NLRC5: variants seen among roughly 807,000 people sequenced by gnomAD.
NLRC5 encodes the protein protein NLRC5.
A neutral mutation model predicts 206.9 loss-of-function variants in NLRC5; 114 were observed. The ratio of observed to expected loss-of-function variants is 0.55; its 90% CI spans 0.47 to 0.64. The LOEUF is 0.64. Ranked by LOEUF, NLRC5 falls within the 30% of genes least tolerant of loss-of-function variation. NLRC5 has a pLI of 0.00. For synonymous variants in NLRC5, 952 were observed against 962.8 expected (o/e 0.99, Z 0.21); for missense variants, 2,008 against 2,305.5 (o/e 0.87, Z 2.64).
At position 57,079,131 on chromosome 16, in the gene NLRC5, C is replaced by G. The variant is rs780317872; in HGVS notation, c.5163C>G (p.Ile1721Met). 9.3e-6 allele frequency: 15 copies of G among 1,614,096 alleles called. 1 individual carries two copies. The South Asian group carries it at 1.6e-4, about 18-fold the overall frequency. Residue 1721 changes from isoleucine to methionine, a missense_variant and splice_region_variant, in exon 44 of 49, where the codon ATC (isoleucine) becomes ATG (methionine). Physicochemically the swap from Ile to Met is conservative, Grantham distance 10. Transcript: ENST00000688547. ...ATGGATCCCCCCATTTGGAAGAGATCAGGTAAGTAGGGGCTGCCCAGCCCA... is the reference window on the plus strand; with the variant it reads ...ATGGATCCCCCCATTTGGAAGAGATGAGGTAAGTAGGGGCTGCCCAGCCCA... ...ALDGSPHLEE[I>M]SLAENNLAGG...
intron 22 of NLRC5, 41 bp downstream of exon 22, chr16:57,046,682 G>C: frequency 6.5e-7 from 1 of 1,544,992 alleles, no homozygotes; most frequent in Middle Eastern, 1.7e-4. Context: ...AACCATAATA[G>C]GGATGAGGCG....
chr16:57,071,606 G>A (rs1458773061), intron 38 of NLRC5, among the ~76,000 whole-genome samples: 1 of 138,476 alleles, frequency 7.2e-6, no homozygotes, highest in Admixed American at 7.4e-5. Context: ...GAGTGGTGTT[G>A]GTGGTTAATG....
At chr16:56,990,986 C>G (rs547164394) in intron 1 of NLRC5, 1 of 152,192 alleles carries the variant, frequency 6.6e-6, no homozygotes, top group Non-Finnish European at 1.5e-5. Context: ...GACTGGGGCT[C>G]TCAACAACTG....
chr16:57,066,106 C>T (rs1294311227), intron 33 of NLRC5, among the ~76,000 whole-genome samples: 3 of 152,136 alleles, frequency 2.0e-5, no homozygotes, highest in African/African-American at 7.2e-5. Context: ...GGCTTTCTGT[C>T]ATGGTCTGAA....
At chr16:57,056,498 C>T (rs555574793) in intron 27 of NLRC5, among the ~76,000 whole-genome samples, 2 of 152,286 alleles carry the variant, frequency 1.3e-5, no homozygotes, top group African/African-American at 4.8e-5. Context: ...CCATGTTCCC[C>T]AGGTTGGTCT....
intron 16 of NLRC5, 26 bp from the exon 17 acceptor site, chr16:57,040,624 G>T (rs746118722): frequency 6.2e-7 from 1 of 1,612,502 alleles, no homozygotes; most frequent in South Asian, 1.1e-5. Flanking sequence ...CCTTTGCTCA[G>T]CCTGGCCTTG....
rs372843028 is a variant in NLRC5, at chr16:57,059,050, G to A, written c.3909G>A (p.Glu1303=). The change falls in exon 29 of 49, where the codon GAG becomes GAA. Residue 1303 remains glutamate, a synonymous_variant. Coordinates refer to ENST00000688547, the MANE Select transcript of NLRC5 (RefSeq NM_001384950.1). ...TGCCCTCCTGCCCACGTGTCCGGGA[G>A]GCCTCAGTGAAGTAAGGGGATGTTG... ...ETLPSCPRVR[E]ASVNLGSEQS... The A allele has an allele frequency of 1.9e-6, 3 of 1,614,058 alleles. No homozygotes were observed. Among genetic ancestry groups the A allele is most frequent in the Non-Finnish European group, 1.7e-6 (2 of 1,180,020 alleles).
chr16:57,036,696 T>C (rs2062626034), intron 14 of NLRC5, among the ~76,000 whole-genome samples: 3 of 151,346 alleles, frequency 2.0e-5, no homozygotes. Context: ...GGATCAAGTG[T>C]GGGTCGGGTT....
Position 57,025,709 on chromosome 16 carries a change from C to G in NLRC5, c.766C>G (p.Leu256Val), listed in dbSNP as rs1219530284. 2 of 1,614,242 alleles carry G rather than the reference C, an allele frequency of 1.2e-6. No individual in the cohort carries two copies. The highest frequency in any genetic ancestry group is 4.5e-5 in the East Asian group (2 of 44,886). ...AEGHLNCFQA[L>V]FLFEFRQLNL... Reference sequence around the variant, plus strand: ...GGGCCATCTGAACTGTTTCCAGGCCCTGTTCCTTTTTGAATTCCGCCAGCT... The same window carrying G: ...GGGCCATCTGAACTGTTTCCAGGCCGTGTTCCTTTTTGAATTCCGCCAGCT... The change falls in exon 6 of 49, where the codon CTG becomes GTG. Residue 256 changes from leucine (L) to valine (V), a missense_variant. Coordinates refer to ENST00000688547, the MANE Select transcript of NLRC5 (RefSeq NM_001384950.1).
intron 28 of NLRC5, 74 bp from the exon 29 acceptor site, chr16:57,058,898 A>G: frequency 8.2e-7 from 1 of 1,220,744 alleles, no homozygotes; most frequent in Non-Finnish European, 1.2e-6. Context: ...GCTGGAAGGG[A>G]GATGGAGGGG....
intron 1 of NLRC5, among the ~76,000 whole-genome samples, chr16:56,991,678 C>CTTT (rs35559322): frequency 5.7e-5 from 6 of 105,622 alleles, no homozygotes; most frequent in South Asian, 3.4e-4. Context: ...GCCCGGACTC[C>CTTT]TTTTTTTTTT....
At position 57,022,311 on chromosome 16, in the gene NLRC5, C is replaced by T. The variant is rs201245557; in HGVS notation, c.351C>T (p.His117=). Residue 117 remains histidine, a synonymous_variant, in exon 4 of 49, where the codon CAC becomes CAT. Coordinates refer to ENST00000688547, the MANE Select transcript of NLRC5 (RefSeq NM_001384950.1). ...AAAGCCAACCTGAATCTCAGCTCCA[C>T]CATGGTGAGGACTGGAGTTGGGGGG... ...EGKSQPESQL[H]HGLKRPHQSC... The T allele has an allele frequency of 4.3e-5, 69 of 1,611,438 alleles. No individual in the cohort carries two copies. Among genetic ancestry groups the T allele is most frequent in the Non-Finnish European group, 5.9e-5 (69 of 1,177,900 alleles).
At chr16:57,070,443 G>C (rs1167527115) in intron 37 of NLRC5, 92 bp from the exon 38 acceptor site, 1 of 1,141,278 alleles carries the variant, frequency 8.8e-7, no homozygotes, top group Non-Finnish European at 1.3e-6. Context: ...GGCCTCCCAG[G>C]GGACAGAGCA....
chr16:57,047,686 G>T, intron 23 of NLRC5, 58 bp downstream of exon 23: 2 of 1,431,326 alleles, frequency 1.4e-6, no homozygotes, highest in Non-Finnish European at 1.9e-6. Flanking sequence ...CCAGTGACCT[G>T]GGAGGGGGCT....
chr16:57,035,729 A>G (rs1368149781), intron 13 of NLRC5, among the ~76,000 whole-genome samples: 1 of 152,244 alleles, frequency 6.6e-6, no homozygotes, highest in African/African-American at 2.4e-5. Flanking sequence ...TGTAACTTGC[A>G]GCATAAAGGA....
intron 4 of NLRC5, among the ~76,000 whole-genome samples, chr16:57,022,661 A>G (rs1040846083): frequency 3.3e-5 from 5 of 152,272 alleles, no homozygotes; most frequent in African/African-American, 1.2e-4. Context: ...GGAAGCCCTA[A>G]CCACCCCCTC....
intron 3 of NLRC5, 76 bp from the exon 4 acceptor site, chr16:57,022,180 C>T: frequency 7.8e-7 from 1 of 1,283,100 alleles, no homozygotes; most frequent in East Asian, 2.4e-5. Context: ...AGCCCTGAGC[C>T]AGGCGCCAGG....
At chr16:57,067,260 C>G in intron 34 of NLRC5, 127 bp from the exon 35 acceptor site, 1 of 779,298 alleles carries the variant, frequency 1.3e-6, no homozygotes, top group South Asian at 1.6e-5. Flanking sequence ...AAGTGAATAG[C>G]AAACTGTAGG....
chr16:57,009,736 G>A (rs75754816), intron 1 of NLRC5, among the ~76,000 whole-genome samples: 2,360 of 152,232 alleles, frequency 0.016, 147 homozygotes, highest in East Asian at 0.11. Flanking sequence ...AACACAATGA[G>A]GATAAATTTA....
Sources: gnomAD v4.1 joint callset for allele counts (sites outside exome capture counted in the v4.1 genomes callset) on GRCh38, gnomAD v4.1.1 for gene constraint, MANE v1.5 for transcripts, NCBI Gene and HGNC (gene_info 2026-07-23, HGNC 2026-07-21) for gene names.